NR1H4: variants seen among roughly 807,000 people sequenced by gnomAD.
NR1H4 encodes the protein nuclear receptor subfamily 1 group H member 4.
In NR1H4, 23 loss-of-function variants were observed where a neutral mutation model predicts 58.5. That is an observed-to-expected ratio of 0.39 (90% confidence interval 0.28 to 0.56). The LOEUF (loss-of-function observed/expected upper bound fraction) is 0.56, where lower values mean the gene tolerates loss of function less well. NR1H4 is among the 20% of genes least tolerant of loss of function. The pLI, the probability that NR1H4 is intolerant of heterozygous loss-of-function variation, is 0.58. For synonymous variants in NR1H4, 214 were observed against 198.0 expected (o/e 1.08, Z -0.68); for missense variants, 487 against 576.9 (o/e 0.84, Z 1.60).
chr12:100,500,944 G>T (rs1358710255), intron 3 of NR1H4, among the ~76,000 whole-genome samples: 3 of 152,018 alleles, frequency 2.0e-5, no homozygotes, highest in Non-Finnish European at 2.9e-5. Flanking sequence ...CATAGCTAGT[G>T]GCTACTGTTT....
At chr12:100,539,779 T>C (rs1338556480) in intron 8 of NR1H4, among the ~76,000 whole-genome samples, 1 of 152,116 alleles carries the variant, frequency 6.6e-6, no homozygotes, top group Non-Finnish European at 1.5e-5. Context: ...AGCAAATAAA[T>C]CTATAATATC....
intron 3 of NR1H4, among the ~76,000 whole-genome samples, 163 bp from the exon 4 acceptor site, chr12:100,510,615 A>G (rs1954083640): frequency 7.0e-6 from 1 of 143,330 alleles, no homozygotes; most frequent in South Asian, 2.1e-4. Flanking sequence ...TTTTATATAT[A>G]TATATATATA....
intron 4 of NR1H4, among the ~76,000 whole-genome samples, chr12:100,513,898 G>A (rs535711095): frequency 5.3e-4 from 81 of 152,102 alleles, no homozygotes; most frequent in African/African-American, 1.7e-3. Flanking sequence ...CAAATGACAA[G>A]CCTTGAACTG....
rs551131715 is a variant in NR1H4 at position 100,511,074 on chromosome 12, C to T, written c.376C>T (p.Leu126=). The stretch of plus-strand genomic sequence containing the variant: ...AGCAGGGAGGATCAAAGGGGATGAG[C>T]TGTGTGTTGTTTGTGGAGACAGAGC... ...ASAGRIKGDE[L]CVVCGDRASG... Residue 126 remains leucine, a synonymous_variant, in exon 4 of 11, where the codon CTG becomes TTG. Coordinates refer to ENST00000392986, the MANE Select transcript of NR1H4 (RefSeq NM_001206979.2). The T allele has an allele frequency of 3.7e-6, 6 of 1,614,254 alleles. 1 individual carries two copies. Among genetic ancestry groups the T allele is most frequent in the Middle Eastern group, 3.3e-4 (2 of 6,062 alleles).
At position 100,540,535 on chromosome 12, in the gene NR1H4, A is replaced by G. The variant is rs1566467720; in HGVS notation, c.932-137A>G. Reference sequence around the variant, plus strand: ...AAAAGCCTCTATTTTATTGGCGAGTACAAATGGACTCAACTAGACTACCCA... The same window carrying G: ...AAAAGCCTCTATTTTATTGGCGAGTGCAAATGGACTCAACTAGACTACCCA... On this transcript the variant is annotated intron_variant, in intron 8 of 10. Transcript: ENST00000392986. The G allele has an allele frequency of 6.8e-6, 6 of 879,486 alleles. No homozygotes were observed. In the East Asian group the frequency reaches 7.4e-5, roughly 11 times the overall value. The allele number at this position is 879,486 out of a possible 1,614,324, so 54.5% of individuals were successfully genotyped here. A position where few individuals can be genotyped will look rare whatever the true frequency, so the allele number is the denominator to read the frequency against.
At chr12:100,525,968 C>T (rs963516053) in intron 4 of NR1H4, among the ~76,000 whole-genome samples, 4 of 150,978 alleles carry the variant, frequency 2.6e-5, no homozygotes, top group East Asian at 3.9e-4. Flanking sequence ...TAACGATGGG[C>T]CTCTCCTTCA....
At chr12:100,562,989 C>T (rs982831337) in intron 10 of NR1H4, among the ~76,000 whole-genome samples, 2 of 152,170 alleles carry the variant, frequency 1.3e-5, no homozygotes, top group African/African-American at 4.8e-5. Context: ...AGGATGCTCA[C>T]GTCCACCCTA....
chr12:100,542,724 G>A (rs1243240306), intron 9 of NR1H4, among the ~76,000 whole-genome samples: 1 of 152,156 alleles, frequency 6.6e-6, no homozygotes, highest in African/African-American at 2.4e-5. Context: ...TGATATAAGT[G>A]AAATAATTTT....
chr12:100,512,490 A>T (rs1371697363), intron 4 of NR1H4, among the ~76,000 whole-genome samples: 2 of 151,974 alleles, frequency 1.3e-5, no homozygotes, highest in African/African-American at 4.8e-5. Flanking sequence ...AATACAAAAA[A>T]ATTAGCTGGG....
chr12:100,551,168 T>G (rs1480198952), intron 9 of NR1H4, among the ~76,000 whole-genome samples: 1 of 152,218 alleles, frequency 6.6e-6, no homozygotes, highest in East Asian at 1.9e-4. Context: ...AGTTGAGAGA[T>G]AAAGTATAAG....
chr12:100,474,928 G>C (rs903110999), intron 1 of NR1H4, among the ~76,000 whole-genome samples: 6 of 152,170 alleles, frequency 3.9e-5, no homozygotes, highest in Non-Finnish European at 8.8e-5. Context: ...ATTGACAAGA[G>C]GGGTAGGAAC....
chr12:100,558,898 C>T (rs891574070), intron 9 of NR1H4, among the ~76,000 whole-genome samples: 4 of 152,298 alleles, frequency 2.6e-5, no homozygotes, highest in Admixed American at 6.5e-5. Context: ...CTCTCTCAGC[C>T]GAGTGCCTTT....
chr12:100,524,142 C>A (rs1000397085), intron 4 of NR1H4, among the ~76,000 whole-genome samples: 10 of 151,990 alleles, frequency 6.6e-5, no homozygotes, highest in Non-Finnish European at 1.0e-4. Flanking sequence ...TTAAAGCAAA[C>A]ATATAAGCAA....
chr12:100,527,146 T>C (rs2136214478), intron 4 of NR1H4, among the ~76,000 whole-genome samples: 1 of 152,352 alleles, frequency 6.6e-6, no homozygotes, highest in Non-Finnish European at 1.5e-5. Context: ...CTTGCCATGC[T>C]GTGTAAAACC....
At chr12:100,515,941 G>A (rs931239880) in intron 4 of NR1H4, among the ~76,000 whole-genome samples, 2 of 152,204 alleles carry the variant, frequency 1.3e-5, no homozygotes, top group African/African-American at 2.4e-5. Context: ...TATAGAATGT[G>A]GGGTTTTACC....
chr12:100,527,066 A>G (rs931942887), intron 4 of NR1H4, among the ~76,000 whole-genome samples: 37 of 152,368 alleles, frequency 2.4e-4, no homozygotes, highest in Admixed American at 1.9e-3. Context: ...TAATGCTCCT[A>G]CAATTATTGC....
intron 3 of NR1H4, among the ~76,000 whole-genome samples, chr12:100,497,326 G>A (rs562659532): frequency 1.3e-5 from 2 of 152,230 alleles, no homozygotes; most frequent in East Asian, 1.9e-4. Flanking sequence ...AGGAACGTGC[G>A]GCATGCTCTT....
chr12:100,509,204 G>A (rs532023063), intron 3 of NR1H4, among the ~76,000 whole-genome samples: 89 of 152,296 alleles, frequency 5.8e-4, no homozygotes, highest in African/African-American at 2.1e-3. Context: ...AAATCCCACT[G>A]TTCATAAGAG....
chr12:100,498,578 C>T (rs1429317046), intron 3 of NR1H4, among the ~76,000 whole-genome samples: 1 of 151,008 alleles, frequency 6.6e-6, no homozygotes, highest in African/African-American at 2.4e-5. Flanking sequence ...GCGGAGGTTA[C>T]AATGAGATGG....
Sources: gnomAD v4.1 joint callset for allele counts (sites outside exome capture counted in the v4.1 genomes callset) on GRCh38, gnomAD v4.1.1 for gene constraint, MANE v1.5 for transcripts, NCBI Gene and HGNC (gene_info 2026-07-23, HGNC 2026-07-21) for gene names.